The following RPH3AL variants were observed in gnomAD, a reference collection of about 807,000 sequenced individuals.
The protein encoded by RPH3AL is rab effector Noc2.
A neutral mutation model predicts 43.1 loss-of-function variants in RPH3AL; 38 were observed. That is an observed-to-expected ratio of 0.88 (90% CI 0.68 to 1.15). The LOEUF (loss-of-function observed/expected upper bound fraction) is 1.15. Ranked by LOEUF, RPH3AL falls within the 50% of genes most tolerant of loss-of-function variation. The pLI is 0.00. For missense variants in RPH3AL, 462 were observed against 423.2 expected (o/e 1.09, Z -0.81); for synonymous variants, 189 against 176.3 (o/e 1.07, Z -0.57).
At chr17:294,621 C>G (rs137863414) in intron 5 of RPH3AL, among the ~76,000 whole-genome samples, 3,162 of 58,196 alleles carry the variant, frequency 0.054, 101 homozygotes, top group East Asian at 0.061. Context: ...GGGAGGGACA[C>G]AGATGCTGCA....
intron 6 of RPH3AL, among the ~76,000 whole-genome samples, chr17:268,268 C>T (rs1038481243): frequency 2.0e-5 from 3 of 152,266 alleles, no homozygotes; most frequent in Admixed American, 2.0e-4. Flanking sequence ...ACTCCCCTTC[C>T]TCCTCAGCCT....
chr17:236,963 G>A (rs945741915), intron 7 of RPH3AL, among the ~76,000 whole-genome samples: 4 of 152,190 alleles, frequency 2.6e-5, no homozygotes, highest in Admixed American at 2.6e-4. Flanking sequence ...ATCCATCATC[G>A]ACAGTCCATT....
Position 322,295 on chromosome 17 carries a change from G to C in RPH3AL, c.78-880C>G, listed in dbSNP as rs574445684. ...TGGCAGCAGCAGATCAAACCCCGGA[G>C]CCCCTGCCCTGGGTGGGTGCCAGCT... On this transcript the variant is annotated intron_variant, in intron 3 of 9. Transcript: ENST00000331302. The surrounding 1 kb of genome is among the most constrained non-coding windows in gnomAD (Gnocchi z 4.0). The C allele has an allele frequency of 1.3e-5, 2 of 152,434 alleles. No individual in the cohort carries two copies. Among genetic ancestry groups the C allele is most frequent in the Non-Finnish European group, 2.9e-5 (2 of 68,164 alleles). The allele number at this position is 152,434 out of a possible 1,614,324, so 9.4% of individuals were successfully genotyped here.
Position 283,515 on chromosome 17 carries a change from G to A in RPH3AL, c.352-1661C>T, listed in dbSNP as rs939442054. 1.3e-5 allele frequency among the ~76,000 whole-genome samples: 2 copies of A among 152,164 alleles called. No homozygotes were observed. Among genetic ancestry groups the A allele is most frequent in the Non-Finnish European group, 2.9e-5 (2 of 68,018 alleles). The stretch of plus-strand genomic sequence containing the variant: ...TGGATTGGCAGGAAAATCTGCCCAA[G>A]CCTCAGCCACACTTGGGGCCCCTTT... On this transcript the variant is annotated intron_variant, in intron 5 of 9. Transcript: ENST00000331302. This position sits in a 1 kb window ranked among gnomAD's most constrained non-coding sequence, Gnocchi z 4.2.
intron 5 of RPH3AL, among the ~76,000 whole-genome samples, chr17:313,370 C>A (rs532895271): frequency 6.6e-6 from 1 of 152,216 alleles, no homozygotes; most frequent in Admixed American, 6.5e-5. Flanking sequence ...CCTTGACTGG[C>A]GAGGCTGTGT....
chr17:302,754 A>G (rs553012073), intron 5 of RPH3AL, among the ~76,000 whole-genome samples: 1 of 152,378 alleles, frequency 6.6e-6, no homozygotes, highest in South Asian at 2.1e-4. Context: ...CACAGCTCCT[A>G]AAACTGGAAT....
chr17:268,710 C>T (rs900823868), intron 6 of RPH3AL, among the ~76,000 whole-genome samples: 1 of 150,644 alleles, frequency 6.6e-6, no homozygotes, highest in African/African-American at 2.4e-5. Flanking sequence ...ACTAGACATG[C>T]CCCCACTACA....
intron 6 of RPH3AL, among the ~76,000 whole-genome samples, chr17:273,284 A>G (rs866370803): frequency 7.0e-5 from 6 of 85,382 alleles, no homozygotes; most frequent in African/African-American, 1.9e-4. Flanking sequence ...GAGAGACCCC[A>G]GCGAGGGTGA....
chr17:332,111 T>C, intron 2 of RPH3AL: 1 of 353,986 alleles, frequency 2.8e-6, no homozygotes, highest in South Asian at 2.1e-5. Context: ...GGAGATTTTG[T>C]GGACAGGGCT....
rs891495355 is a variant in RPH3AL at position 289,816 on chromosome 17, G to A, written c.352-7962C>T. Among the ~76,000 whole-genome samples, 1 of 152,088 alleles carries A rather than the reference G, an allele frequency of 6.6e-6. No homozygotes were observed. On this transcript the variant is annotated intron_variant, in intron 5 of 9. Transcript: ENST00000331302. The surrounding 1 kb of genome is among the most constrained non-coding windows in gnomAD (Gnocchi z 5.2). Reference sequence around the variant, plus strand: ...CTCTTCATTAACCTACACACCCCTCGGACCTCAGCAAAAGCACCACATCTT... The same window carrying A: ...CTCTTCATTAACCTACACACCCCTCAGACCTCAGCAAAAGCACCACATCTT...
intron 7 of RPH3AL, among the ~76,000 whole-genome samples, chr17:221,970 G>A (rs35710040): frequency 0.087 from 3,448 of 39,494 alleles, 36 homozygotes; most frequent in Middle Eastern, 0.11. Flanking sequence ...CACTGAGACA[G>A]TAGACCCAAG....
At position 246,016 on chromosome 17, in the gene RPH3AL, G is replaced by C. The variant is rs1655087849; in HGVS notation, c.613+1095C>G. Among the ~76,000 whole-genome samples the C allele has an allele frequency of 6.6e-6, 1 of 152,158 alleles. No individual in the cohort carries two copies. Among genetic ancestry groups the C allele is most frequent in the Non-Finnish European group, 1.5e-5 (1 of 68,026 alleles). On this transcript the variant is annotated intron_variant, in intron 7 of 9. Transcript: ENST00000331302. This position sits in a 1 kb window ranked among gnomAD's most constrained non-coding sequence, Gnocchi z 4.8. Reference sequence around the variant, plus strand: ...AAAGTGCCTGCAGGCTGCACACCAAGGCACAGATGCCGACCTACCTGGCAG... The same window carrying C: ...AAAGTGCCTGCAGGCTGCACACCAACGCACAGATGCCGACCTACCTGGCAG...
chr17:303,685 AGG>A (rs2043392487), intron 5 of RPH3AL, among the ~76,000 whole-genome samples: 1 of 16,792 alleles, frequency 6.0e-5, no homozygotes, highest in South Asian at 3.4e-3. Flanking sequence ...AGAGATGGGG[AGG>A]GAGGGAGGCT....
rs1389148929 is a variant in RPH3AL at position 215,979 on chromosome 17, CACCCACATGGCTGCCGGGCTCTGGCCTG to C, written c.728-205_728-178del. On this transcript the variant is annotated intron_variant, in intron 8 of 9. Transcript: ENST00000331302. The surrounding 1 kb of genome is among the most constrained non-coding windows in gnomAD (Gnocchi z 4.1). ...TGGCTGCCGGGCTCTGGCCTGACCC[CACCCACATGGCTGCCGGGCTCTGGCCTG>C]ACCCCACCCACATGGCTGCCGGGCT... 142 of 457,588 alleles carry C rather than the reference CACCCACATGGCTGCCGGGCTCTGGCCTG, an allele frequency of 3.1e-4. 1 individual carries two copies. Among genetic ancestry groups the C allele is most frequent in the Admixed American group, 4.4e-5 (1 of 22,804 alleles). The allele number at this position is 457,588 out of a possible 1,614,324, so 28.3% of individuals were successfully genotyped here. A position where few individuals can be genotyped will look rare whatever the true frequency, so the allele number is the denominator to read the frequency against.
In RPH3AL at chr17:215,793, A is replaced by G; in HGVS notation, c.737T>C (p.Val246Ala). 1 of 1,299,178 alleles carries G rather than the reference A, an allele frequency of 7.7e-7. No homozygotes were observed. The highest frequency in any genetic ancestry group is 2.8e-5 in the South Asian group (1 of 36,050). 80.5% of individuals were successfully genotyped at this position (1,299,178 alleles called of 1,614,324 possible). The change falls in exon 9 of 10, where the codon GTG becomes GCG. Residue 246 changes from valine (V) to alanine (A), a missense_variant. Coordinates refer to ENST00000331302, the MANE Select transcript of RPH3AL (RefSeq NM_006987.4). The surrounding 1 kb of genome is among the most constrained non-coding windows in gnomAD (Gnocchi z 4.1). ...DKPWKESGGS[V>A]EAPRMGFTHP... is the part of the protein sequence containing the mutation. ...GGTGAACCCCATCCTGGGGGCCTCC[A>G]CGCTGCCACCTGTGGGAAATCACGT...
intron 5 of RPH3AL, among the ~76,000 whole-genome samples, chr17:294,693 C>T (rs191892137): frequency 0.036 from 1,047 of 28,732 alleles, 289 homozygotes; most frequent in Middle Eastern, 0.083. Flanking sequence ...CAGAAATGGA[C>T]GGGCAGAGGG....
chr17:249,813 A>AT (rs1241729711), intron 6 of RPH3AL, among the ~76,000 whole-genome samples: 1 of 138,672 alleles, frequency 7.2e-6, no homozygotes, highest in Non-Finnish European at 1.5e-5. Context: ...TTATTTACTA[A>AT]GCTCCATCAC....
rs528742292 is a variant in RPH3AL, at chr17:345,625, G to A, written c.-213+7087C>T. ...GAAGTGGGTGCCTGCTGGGGCACGC[G>A]TGCTCCCCATCTGCACGCACACCCT... On this transcript the variant is annotated intron_variant, in intron 1 of 9. Coordinates refer to ENST00000331302, the MANE Select transcript of RPH3AL (RefSeq NM_006987.4). Among the ~76,000 whole-genome samples, 164 of 131,290 alleles carry A rather than the reference G, an allele frequency of 1.2e-3. 23 individuals are homozygous for A. Among genetic ancestry groups the A allele is most frequent in the African/African-American group, 3.0e-3 (116 of 38,942 alleles). 86.1% of individuals were successfully genotyped at this position (131,290 alleles called of 152,430 possible). A position where few individuals can be genotyped will look rare whatever the true frequency, so the allele number is the denominator to read the frequency against.
At chr17:273,044 G>T (rs112322148) in intron 6 of RPH3AL, among the ~76,000 whole-genome samples, 135 of 93,076 alleles carry the variant, frequency 1.5e-3, no homozygotes, top group Middle Eastern at 6.3e-3. Flanking sequence ...CGAGGGCGAC[G>T]TCAGGGAGAG....
Sources: allele counts gnomAD v4.1 joint callset (sites outside exome capture counted in the v4.1 genomes callset), GRCh38; gene constraint gnomAD v4.1.1; non-coding constraint Gnocchi (gnomAD v3.1); transcripts MANE v1.5; gene names NCBI Gene and HGNC (gene_info 2026-07-23, HGNC 2026-07-21).